ARMC9: variants seen among roughly 807,000 people sequenced by gnomAD.
ARMC9 encodes the protein lisH domain-containing protein ARMC9.
In ARMC9, 94 loss-of-function variants were observed where a neutral mutation model predicts 107.0. The ratio of observed to expected loss-of-function variants is 0.88; its 90% CI spans 0.74 to 1.04. ARMC9 has a LOEUF of 1.04. Ranked by LOEUF, ARMC9 falls within the 50% of genes least tolerant of loss-of-function variation. The probability of loss-of-function intolerance (pLI) is 0.00; values close to 1 mark genes in which losing one functional copy is unlikely to be tolerated. For synonymous variants in ARMC9, 380 were observed against 396.9 expected, an observed-to-expected ratio of 0.96 and a Z score of 0.51; for missense variants, 942 against 1,030.1, an observed-to-expected ratio of 0.91 and a Z score of 1.17.
intron 2 of ARMC9, among the ~76,000 whole-genome samples, chr2:231,207,828 C>T (rs942278841): frequency 2.6e-5 from 4 of 152,130 alleles, no homozygotes; most frequent in Non-Finnish European, 5.9e-5. Context: ...CTATAATGGC[C>T]GTACCAATTT....
chr2:231,233,855 G>A (rs561994253), intron 7 of ARMC9, among the ~76,000 whole-genome samples: 2 of 152,138 alleles, frequency 1.3e-5, no homozygotes, highest in African/African-American at 2.4e-5. Flanking sequence ...TGAAATAGTA[G>A]TAATAGCCAC....
chr2:231,222,461 A>C (rs1189635470), intron 5 of ARMC9, among the ~76,000 whole-genome samples: 1 of 152,210 alleles, frequency 6.6e-6, no homozygotes, highest in Non-Finnish European at 1.5e-5. Flanking sequence ...TGTTTAAATC[A>C]CATGAAATAC....
chr2:231,259,983 GAGA>G (rs1179684568), intron 11 of ARMC9, among the ~76,000 whole-genome samples: 9 of 152,158 alleles, frequency 5.9e-5, no homozygotes, highest in African/African-American at 2.2e-4. Flanking sequence ...GTGACAGAGT[GAGA>G]CCCCATCTCA....
At chr2:231,352,383 C>A in intron 21 of ARMC9, among the ~76,000 whole-genome samples, 1 of 151,704 alleles carries the variant, frequency 6.6e-6, no homozygotes, top group Admixed American at 6.6e-5. Context: ...ACCTCGGTCT[C>A]CTGGGTTCAA....
intron 19 of ARMC9, among the ~76,000 whole-genome samples, chr2:231,319,448 T>C (rs543610686): frequency 6.6e-6 from 1 of 152,290 alleles, no homozygotes; most frequent in African/African-American, 2.4e-5. Context: ...GCCCAGCATC[T>C]CACCCCCATG....
chr2:231,333,018 G>C, intron 20 of ARMC9, among the ~76,000 whole-genome samples: 1 of 152,314 alleles, frequency 6.6e-6, no homozygotes, highest in Non-Finnish European at 1.5e-5. Flanking sequence ...AGGCTTTATG[G>C]GAGCAGGTGG....
chr2:231,296,142 T>C (rs1574987268), intron 18 of ARMC9, 56 bp from the exon 19 acceptor site: 1 of 1,395,224 alleles, frequency 7.2e-7, no homozygotes, highest in East Asian at 2.3e-5. Flanking sequence ...ACAGATTCTG[T>C]GGACCAAGGC....
intron 16 of ARMC9, among the ~76,000 whole-genome samples, chr2:231,280,139 A>C (rs1390455397): frequency 6.6e-6 from 1 of 152,180 alleles, no homozygotes; most frequent in Non-Finnish European, 1.5e-5. Context: ...ATTACCTGCT[A>C]CCAATGCATT....
chr2:231,206,725 A>G (rs1256039620), intron 2 of ARMC9, among the ~76,000 whole-genome samples: 1 of 152,258 alleles, frequency 6.6e-6, no homozygotes, highest in Non-Finnish European at 1.5e-5. Flanking sequence ...TTTGAATGCC[A>G]TAGAGTATTT....
intron 9 of ARMC9, among the ~76,000 whole-genome samples, chr2:231,248,731 C>T (rs1385012970): frequency 6.9e-6 from 1 of 145,202 alleles, no homozygotes; most frequent in Non-Finnish European, 1.5e-5. Flanking sequence ...CGCTTGAACC[C>T]GGGAGGCGGA....
At chr2:231,363,245 G>A (rs1441283021) in intron 23 of ARMC9, among the ~76,000 whole-genome samples, 3 of 152,252 alleles carry the variant, frequency 2.0e-5, no homozygotes, top group African/African-American at 7.2e-5. Flanking sequence ...GGGAGAAAGA[G>A]TGGTTCTCTA....
At chr2:231,282,229 G>C (rs1285328695) in intron 17 of ARMC9, 96 bp downstream of exon 17, 1 of 1,258,894 alleles carries the variant, frequency 7.9e-7, no homozygotes, top group East Asian at 2.3e-5. Context: ...CCATAGAAAG[G>C]CTCAGATCCG....
intron 19 of ARMC9, among the ~76,000 whole-genome samples, chr2:231,324,124 T>TG (rs2043159078): frequency 1.0e-4 from 1 of 9,866 alleles, no homozygotes; most frequent in Non-Finnish European, 2.0e-4. Flanking sequence ...TGTAAAGTAC[T>TG]TTTTTTTTTT....
chr2:231,316,350 T>C (rs1330944858), intron 19 of ARMC9, among the ~76,000 whole-genome samples: 1 of 152,106 alleles, frequency 6.6e-6, no homozygotes, highest in East Asian at 1.9e-4. Flanking sequence ...TTTTGAAGCA[T>C]AGTTTCACTG....
At chr2:231,209,145 G>T (rs565033382) in intron 3 of ARMC9, among the ~76,000 whole-genome samples, 2 of 151,958 alleles carry the variant, frequency 1.3e-5, no homozygotes, top group African/African-American at 4.8e-5. Flanking sequence ...CAAGTGATCC[G>T]CCCGCCTTGG....
intron 19 of ARMC9, among the ~76,000 whole-genome samples, chr2:231,316,188 G>GTGTGTA (rs2042668079): frequency 7.0e-6 from 1 of 143,208 alleles, no homozygotes; most frequent in Non-Finnish European, 1.6e-5. Context: ...GTGTGTGTGT[G>GTGTGTA]TGTGTATCTC....
At chr2:231,256,498 T>C in intron 9 of ARMC9, 88 bp from the exon 10 acceptor site, 1 of 1,524,336 alleles carries the variant, frequency 6.6e-7, no homozygotes, top group Non-Finnish European at 9.1e-7. Context: ...GCACATCTGT[T>C]GATTCCATGC....
chr2:231,209,639 G>C (rs1210760721), intron 3 of ARMC9, among the ~76,000 whole-genome samples: 2 of 152,052 alleles, frequency 1.3e-5, no homozygotes, highest in Non-Finnish European at 2.9e-5. Context: ...GGGTTCAAGC[G>C]ATTCTCCTGC....
chr2:231,265,332 T>C (rs1408831777), intron 12 of ARMC9, among the ~76,000 whole-genome samples: 1 of 152,090 alleles, frequency 6.6e-6, no homozygotes, highest in Non-Finnish European at 1.5e-5. Context: ...GTTACAAAGA[T>C]TTGGAACCAA....
Sources: allele counts gnomAD v4.1 joint callset (sites outside exome capture counted in the v4.1 genomes callset), GRCh38; gene constraint gnomAD v4.1.1; transcripts MANE v1.5; gene names NCBI Gene and HGNC (gene_info 2026-07-23, HGNC 2026-07-21).